The following FAM120C variants were observed in gnomAD, a reference collection of about 807,000 sequenced individuals.
FAM120C encodes family with sequence similarity 120 member C.
FAM120C carries 14 observed loss-of-function variants against 71.2 expected under a neutral mutation model. The observed-to-expected ratio is 0.20, with a 90% CI of 0.13 to 0.31. The LOEUF (loss-of-function observed/expected upper bound fraction) is 0.31, where lower values mean the gene tolerates loss of function less well. FAM120C is among the 10% of genes least tolerant of loss of function. The pLI, the probability that FAM120C is intolerant of heterozygous loss-of-function variation, is 1.00. For missense variants in FAM120C, 500 were observed against 879.0 expected (o/e 0.57, Z 5.45); for synonymous variants, 354 against 353.2 (o/e 1.00, Z -0.03).
intron 9 of FAM120C, among the ~76,000 whole-genome samples, chrX:54,122,916 GGT>G (rs2067004676): frequency 4.7e-5 from 1 of 21,242 alleles, no homozygotes; most frequent in Admixed American, 8.2e-4. Flanking sequence ...CAGGCCTGGT[GGT>G]GACAAAATCT....
At chrX:54,076,256 T>C (rs2066735271) in intron 15 of FAM120C, among the ~76,000 whole-genome samples, 1 of 109,720 alleles carries the variant, frequency 9.1e-6, no homozygotes, top group African/African-American at 3.3e-5. Flanking sequence ...GGACAATCGC[T>C]TGAACCCAGG....
chrX:54,091,275 TA>T, intron 11 of FAM120C, 36 bp downstream of exon 11: 3 of 1,008,653 alleles, frequency 3.0e-6, no homozygotes, highest in Non-Finnish European at 4.2e-6. Context: ...CATAAGCTCA[TA>T]AAAGAAAGAA....
intron 3 of FAM120C, 55 bp from the exon 4 acceptor site, chrX:54,151,428 A>G: frequency 1.7e-6 from 2 of 1,143,395 alleles, no homozygotes; most frequent in Admixed American, 2.5e-5. Context: ...TCACTAAGAA[A>G]AAGAGTGAAG....
Position 54,068,617 on chromosome X carries a change from C to T in FAM120C, c.*4416G>A, listed in dbSNP as rs1176728156. ...ACATATTATCCATCCACTAAACACA[C>T]TGTCAAAAGCACAGGAGAGGAGATA... On this transcript the variant is annotated 3_prime_UTR_variant, in exon 16 of 16. Transcript: ENST00000375180. The T allele has an allele frequency of 1.3e-4, 15 of 111,550 alleles. No homozygotes were observed. The highest frequency in any genetic ancestry group is 2.4e-4 in the Non-Finnish European group (13 of 53,221). 9.2% of individuals were successfully genotyped at this position (111,550 alleles called of 1,213,427 possible).
intron 3 of FAM120C, among the ~76,000 whole-genome samples, chrX:54,153,920 C>T (rs998367720): frequency 6.4e-5 from 7 of 108,656 alleles, no homozygotes; most frequent in East Asian, 2.9e-4. Flanking sequence ...AGGCTGGTCT[C>T]GAACTCCTGA....
At chrX:54,169,753 G>C (rs1319359363) in intron 1 of FAM120C, among the ~76,000 whole-genome samples, 2 of 112,085 alleles carry the variant, frequency 1.8e-5, no homozygotes, top group Non-Finnish European at 3.8e-5. Context: ...GTCTGGTTCA[G>C]CAATAGAAAT....
intron 4 of FAM120C, among the ~76,000 whole-genome samples, chrX:54,148,334 A>G (rs2067168009): frequency 9.0e-6 from 1 of 111,581 alleles, no homozygotes; most frequent in Non-Finnish European, 1.9e-5. Context: ...AAGAGGATAT[A>G]TGAATGAAGT....
rs1328746015 is a variant in FAM120C, at chrX:54,129,748, G to A, written c.2062+2944C>T. Among the ~76,000 whole-genome samples the A allele has an allele frequency of 5.0e-3, 563 of 112,409 alleles. 2 individuals carry two copies. Among genetic ancestry groups the A allele is most frequent in the African/African-American group, 0.017 (526 of 31,039 alleles). ...GGGCACCATTGAGCACTGAGTGAACGAGACTCCGTCTGCAATCCCGGCTCC... is the reference window on the plus strand; with the variant it reads ...GGGCACCATTGAGCACTGAGTGAACAAGACTCCGTCTGCAATCCCGGCTCC... On this transcript the variant is annotated intron_variant, in intron 9 of 15. Transcript: ENST00000375180.
intron 10 of FAM120C, among the ~76,000 whole-genome samples, chrX:54,091,728 G>A (rs1461478973): frequency 5.4e-5 from 6 of 111,770 alleles, no homozygotes; most frequent in African/African-American, 1.9e-4. Context: ...GGTATCCTGA[G>A]AAAAGTCAGC....
chrX:54,089,142 C>T (rs781803321), intron 11 of FAM120C, among the ~76,000 whole-genome samples: 1 of 111,408 alleles, frequency 9.0e-6, no homozygotes, highest in Non-Finnish European at 1.9e-5. Flanking sequence ...CAGAGGAAAA[C>T]TGAAAACAAC....
intron 2 of FAM120C, among the ~76,000 whole-genome samples, chrX:54,158,047 T>C (rs2067218626): frequency 8.9e-6 from 1 of 112,022 alleles, no homozygotes; most frequent in African/African-American, 3.2e-5. Flanking sequence ...CCCAATGTGG[T>C]CTGGCCAATA....
intron 10 of FAM120C, among the ~76,000 whole-genome samples, chrX:54,114,039 T>TACACACACACACAC (rs201960191): frequency 1.0e-5 from 1 of 98,764 alleles, no homozygotes; most frequent in Admixed American, 1.1e-4. Flanking sequence ...GAAAGTGTGA[T>TACACACACACACAC]ACACACACAC....
In FAM120C at chrX:54,118,706, T is replaced by C. The variant is rs1366033645; in HGVS notation, c.2063-1912A>G. Among the ~76,000 whole-genome samples the C allele has an allele frequency of 1.0e-4, 9 of 87,293 alleles. No homozygotes were observed. The East Asian group carries it at 3.2e-3, about 31-fold the overall frequency. The allele number at this position is 87,293 out of a possible 115,157, so 75.8% of individuals were successfully genotyped here. ...TTGTATTTTTCTTTTTTTCTTTTTT[T>C]TTTTTTTTTTTTTTTTTTTAATTAT... On this transcript the variant is annotated intron_variant, in intron 9 of 15. Transcript: ENST00000375180.
intron 10 of FAM120C, 63 bp from the exon 11 acceptor site, chrX:54,091,489 A>C (rs1433793541): frequency 1.3e-5 from 11 of 856,073 alleles, no homozygotes; most frequent in Non-Finnish European, 1.9e-5. Context: ...ACAAAAACTT[A>C]TTAAGCTAAG....
chrX:54,156,886 C>CAAAA (rs782182111), intron 3 of FAM120C, among the ~76,000 whole-genome samples: 1 of 32,743 alleles, frequency 3.1e-5, no homozygotes, highest in Non-Finnish European at 5.4e-5. Context: ...GACTTTGCCT[C>CAAAA]AAAAAAAAAA....
At chrX:54,180,611 A>G (rs1261837532) in intron 1 of FAM120C, among the ~76,000 whole-genome samples, 1 of 111,793 alleles carries the variant, frequency 8.9e-6, no homozygotes, top group Non-Finnish European at 1.9e-5. Context: ...TCACAGTGGC[A>G]CTTTAGAAAG....
chrX:54,131,543 A>G (rs1424081681), intron 9 of FAM120C, among the ~76,000 whole-genome samples: 2 of 108,734 alleles, frequency 1.8e-5, no homozygotes, highest in East Asian at 5.8e-4. Flanking sequence ...AGTTCAAGCG[A>G]TTCTCCTGCC....
In FAM120C at chrX:54,085,782, A is replaced by G. The variant is rs782178348; in HGVS notation, c.2772T>C (p.Val924=). The G allele has an allele frequency of 1.7e-6, 2 of 1,209,706 alleles. No individual in the cohort carries two copies. Among genetic ancestry groups the G allele is most frequent in the African/African-American group, 3.5e-5 (2 of 57,107 alleles). The change falls in exon 13 of 16, where the codon GTT becomes GTC. Residue 924 remains valine (V), a synonymous_variant. Coordinates refer to ENST00000375180, the MANE Select transcript of FAM120C (RefSeq NM_017848.6). The part of the protein sequence containing the change: ...VPPMVPSLYP[V]SLYSRAMGSM... Reference sequence around the variant, plus strand: ...AGCCCATAGCTCGGGAATAAAGTGAAACAGGGTAGAGAGAGGGCACCATGG... The same window carrying G: ...AGCCCATAGCTCGGGAATAAAGTGAGACAGGGTAGAGAGAGGGCACCATGG...
chrX:54,164,640 G>A (rs1197841309), intron 1 of FAM120C, among the ~76,000 whole-genome samples: 1 of 111,760 alleles, frequency 8.9e-6, no homozygotes, highest in African/African-American at 3.3e-5. Context: ...TATACATTTT[G>A]TTTATCCATT....
Sources: gnomAD v4.1 joint callset for allele counts (sites outside exome capture counted in the v4.1 genomes callset) on GRCh38, gnomAD v4.1.1 for gene constraint, MANE v1.5 for transcripts, NCBI Gene and HGNC (gene_info 2026-07-23, HGNC 2026-07-21) for gene names.